The following KCNIP1 variants were observed in gnomAD, a reference collection of about 807,000 sequenced individuals.
KCNIP1 encodes A-type potassium channel modulatory protein KCNIP1.
In KCNIP1, 18 loss-of-function variants were observed where a neutral mutation model predicts 33.0. The observed-to-expected ratio is 0.55, with a 90% CI of 0.38 to 0.81. The LOEUF is 0.81. KCNIP1 is among the 30% of genes least tolerant of loss of function. The pLI is 0.00. For missense variants in KCNIP1, 238 were observed against 271.6 expected (o/e 0.88, Z 0.87); for synonymous variants, 93 against 98.3 (o/e 0.95, Z 0.32).
At position 170,431,720 on chromosome 5, in the gene KCNIP1, G is replaced by A. The variant is rs143084534; in HGVS notation, c.88+77756G>A. Reference sequence around the variant, plus strand: ...TTGCCGGGGCATCCAGGGTCTACACGGGCTGAGCTCCCCAGACCTGGTGCA... The same window carrying A: ...TTGCCGGGGCATCCAGGGTCTACACAGGCTGAGCTCCCCAGACCTGGTGCA... On this transcript the variant is annotated intron_variant, in intron 1 of 7. Transcript: ENST00000377360. Among the ~76,000 whole-genome samples the A allele has an allele frequency of 3.3e-5, 5 of 152,296 alleles. No individual in the cohort carries two copies. The East Asian group carries it at 7.7e-4, about 24-fold the overall frequency.
intron 1 of KCNIP1, among the ~76,000 whole-genome samples, chr5:170,412,153 A>G (rs887585162): frequency 5.9e-5 from 9 of 152,170 alleles, no homozygotes; most frequent in Non-Finnish European, 1.2e-4. Context: ...GGGATGTGTG[A>G]CCACTGAGCC....
At chr5:170,456,019 T>C (rs899326852) in intron 1 of KCNIP1, among the ~76,000 whole-genome samples, 1 of 152,354 alleles carries the variant, frequency 6.6e-6, no homozygotes, top group African/African-American at 2.4e-5. Context: ...CATATATTTA[T>C]TGAGGCACTA....
intron 1 of KCNIP1, among the ~76,000 whole-genome samples, chr5:170,643,605 A>T (rs1195216690): frequency 6.6e-6 from 1 of 152,236 alleles, no homozygotes; most frequent in Non-Finnish European, 1.5e-5. Context: ...CCTTCCCCAG[A>T]TTAAGAATAA....
chr5:170,584,296 T>A (rs1757906237), intron 1 of KCNIP1, among the ~76,000 whole-genome samples: 1 of 152,188 alleles, frequency 6.6e-6, no homozygotes, highest in Non-Finnish European at 1.5e-5. Flanking sequence ...AATAGATAAA[T>A]GAATGCAGAA....
At chr5:170,671,380 G>A (rs528553876) in intron 1 of KCNIP1, among the ~76,000 whole-genome samples, 1 of 152,164 alleles carries the variant, frequency 6.6e-6, no homozygotes, top group Admixed American at 6.5e-5. Context: ...CTTTACACTT[G>A]CTGTCTCTTT....
At chr5:170,684,479 A>T (rs1027138900) in intron 1 of KCNIP1, among the ~76,000 whole-genome samples, 3 of 152,212 alleles carry the variant, frequency 2.0e-5, no homozygotes, top group Admixed American at 6.5e-5. Context: ...ATGTATTATG[A>T]CAGTCTTAGG....
At chr5:170,526,278 A>G (rs908234360) in intron 1 of KCNIP1, among the ~76,000 whole-genome samples, 1 of 152,200 alleles carries the variant, frequency 6.6e-6, no homozygotes, top group African/African-American at 2.4e-5. Flanking sequence ...GGCTCCTACT[A>G]CACACTCAAT....
intron 1 of KCNIP1, among the ~76,000 whole-genome samples, chr5:170,400,323 G>A (rs1056511816): frequency 6.6e-6 from 1 of 152,202 alleles, no homozygotes; most frequent in Non-Finnish European, 1.5e-5. Flanking sequence ...AGAAGGGGAA[G>A]CAGGCACCTC....
At chr5:170,577,427 T>C (rs1289354806) in intron 1 of KCNIP1, among the ~76,000 whole-genome samples, 2 of 152,238 alleles carry the variant, frequency 1.3e-5, no homozygotes, top group African/African-American at 4.8e-5. Flanking sequence ...CCTGGATACA[T>C]TGAGTCAAAA....
At chr5:170,632,093 T>A (rs1409443923) in intron 1 of KCNIP1, among the ~76,000 whole-genome samples, 1 of 152,166 alleles carries the variant, frequency 6.6e-6, no homozygotes, top group Non-Finnish European at 1.5e-5. Flanking sequence ...GTGCCTGTCC[T>A]CTGTCCTCCT....
chr5:170,624,877 G>C (rs1243106979), intron 1 of KCNIP1, among the ~76,000 whole-genome samples: 3 of 152,110 alleles, frequency 2.0e-5, no homozygotes, highest in African/African-American at 7.2e-5. Flanking sequence ...GTAGAGGCAG[G>C]GTCTTCTGTC....
At chr5:170,627,966 T>TC (rs971483932) in intron 1 of KCNIP1, among the ~76,000 whole-genome samples, 9 of 152,200 alleles carry the variant, frequency 5.9e-5, no homozygotes, top group Non-Finnish European at 8.8e-5. Context: ...AATGCCTTCA[T>TC]CCCCCAGCGC....
intron 1 of KCNIP1, among the ~76,000 whole-genome samples, chr5:170,428,265 A>G (rs1254694795): frequency 1.3e-5 from 2 of 152,172 alleles, no homozygotes; most frequent in Non-Finnish European, 2.9e-5. Flanking sequence ...CAGCCACCTG[A>G]GGGTAAGGAA....
chr5:170,544,144 G>A (rs1756320312), intron 1 of KCNIP1, among the ~76,000 whole-genome samples: 1 of 152,078 alleles, frequency 6.6e-6, no homozygotes, highest in Non-Finnish European at 1.5e-5. Context: ...CGGGCGTGGT[G>A]GCTCACACCT....
intron 1 of KCNIP1, among the ~76,000 whole-genome samples, chr5:170,686,404 G>T (rs1417511328): frequency 6.6e-6 from 1 of 152,206 alleles, no homozygotes; most frequent in Non-Finnish European, 1.5e-5. Context: ...GAGTCACTCA[G>T]TTCTGAGGCA....
At chr5:170,638,709 G>A in intron 1 of KCNIP1, among the ~76,000 whole-genome samples, 1 of 149,468 alleles carries the variant, frequency 6.7e-6, no homozygotes, top group East Asian at 2.0e-4. Flanking sequence ...CATTGCTCTT[G>A]GGGGCAGCCA....
upstream of KCNIP1, among the ~76,000 whole-genome samples, chr5:170,501,044 G>A (rs1002693214): frequency 2.6e-5 from 4 of 152,216 alleles, no homozygotes; most frequent in Admixed American, 2.6e-4. Flanking sequence ...CGGAGGTTAA[G>A]CAGAAAGTAG....
rs564073234 is a variant in KCNIP1, at chr5:170,644,365, T to C, written c.62-74393T>C. On this transcript the variant is annotated intron_variant, in intron 1 of 7. Transcript: ENST00000328939. ...CTTGAGCAGAGATTGAGTGTGTTGA[T>C]ATCTGTAGGCATCAGCCTGGCTTTG... 7.9e-5 allele frequency among the ~76,000 whole-genome samples: 12 copies of C among 152,294 alleles called. No individual in the cohort carries two copies. The South Asian group carries it at 1.2e-3, about 16-fold the overall frequency.
intron 1 of KCNIP1, among the ~76,000 whole-genome samples, chr5:170,386,816 C>T (rs908656091): frequency 1.3e-5 from 2 of 152,020 alleles, no homozygotes; most frequent in African/African-American, 2.4e-5. Context: ...AGAATGGGCA[C>T]ATTCTGCTGG....
Sources: allele counts gnomAD v4.1 joint callset (sites outside exome capture counted in the v4.1 genomes callset), GRCh38; gene constraint gnomAD v4.1.1; transcripts MANE v1.5; gene names NCBI Gene and HGNC (gene_info 2026-07-23, HGNC 2026-07-21).